The following GLIS1 variants were observed in gnomAD, a reference collection of about 807,000 sequenced individuals.
GLIS1 encodes the protein zinc finger protein GLIS1.
A neutral mutation model predicts 63.8 loss-of-function variants in GLIS1; 24 were observed. The observed-to-expected ratio is 0.38, with a 90% CI of 0.27 to 0.53. The LOEUF (loss-of-function observed/expected upper bound fraction) is 0.53. Ranked by LOEUF, GLIS1 falls within the 20% of genes least tolerant of loss-of-function variation. The pLI, the probability that GLIS1 is intolerant of heterozygous loss-of-function variation, is 0.85. For missense variants in GLIS1, 1,036 were observed against 1,074.1 expected, an observed-to-expected ratio of 0.96 and a Z score of 0.50; for synonymous variants, 450 against 482.5, an observed-to-expected ratio of 0.93 and a Z score of 0.88.
At chr1:53,678,350 G>T (rs200434073) in intron 2 of GLIS1, among the ~76,000 whole-genome samples, 1 of 147,494 alleles carries the variant, frequency 6.8e-6, no homozygotes, top group Non-Finnish European at 1.5e-5. Flanking sequence ...TGGGGGGCAG[G>T]GGGGAGCGGG....
chr1:53,697,377 C>T (rs1319109958), intron 2 of GLIS1, among the ~76,000 whole-genome samples: 1 of 152,184 alleles, frequency 6.6e-6, no homozygotes, highest in Admixed American at 6.5e-5. Context: ...AGTTGCTTTG[C>T]ACATGCAGTT....
At chr1:53,584,796 G>C (rs1366060768) in intron 4 of GLIS1, among the ~76,000 whole-genome samples, 1 of 152,184 alleles carries the variant, frequency 6.6e-6, no homozygotes, top group Non-Finnish European at 1.5e-5. Flanking sequence ...ACGAGAACAG[G>C]ATGCTGAGGT....
chr1:53,686,221 G>GAGGAAGGA (rs1400123284), intron 2 of GLIS1, among the ~76,000 whole-genome samples: 1 of 152,178 alleles, frequency 6.6e-6, no homozygotes, highest in African/African-American at 2.4e-5. Context: ...GTAAATGAGG[G>GAGGAAGGA]AGGAAGGAAG....
intron 2 of GLIS1, among the ~76,000 whole-genome samples, chr1:53,718,063 GCCCAGCGGCATTTTCAC>G (rs1646718156): frequency 6.6e-6 from 1 of 152,222 alleles, no homozygotes; most frequent in South Asian, 2.1e-4. Flanking sequence ...GTGCACCGGG[GCCCAGCGGCATTTTCAC>G]TGGACAGCCC....
intron 4 of GLIS1, among the ~76,000 whole-genome samples, chr1:53,587,854 T>C (rs545989594): frequency 6.6e-6 from 1 of 152,282 alleles, no homozygotes; most frequent in Admixed American, 6.5e-5. Flanking sequence ...GATCTGGATA[T>C]TCTCTCAATG....
intron 2 of GLIS1, among the ~76,000 whole-genome samples, chr1:53,618,814 C>T (rs1473013318): frequency 1.3e-5 from 2 of 152,222 alleles, no homozygotes; most frequent in Non-Finnish European, 2.9e-5. Flanking sequence ...GCTCCCTATT[C>T]AGGCCTGACC....
At chr1:53,708,447 A>T (rs1252016455) in intron 2 of GLIS1, among the ~76,000 whole-genome samples, 1 of 152,140 alleles carries the variant, frequency 6.6e-6, no homozygotes, top group African/African-American at 2.4e-5. Flanking sequence ...ATGAAATATA[A>T]TATTATTATG....
At chr1:53,739,015 G>T (rs1293636240) in intron 1 of GLIS1, among the ~76,000 whole-genome samples, 90 bp downstream of exon 1, 1 of 152,190 alleles carries the variant, frequency 6.6e-6, no homozygotes, top group Admixed American at 6.5e-5. Flanking sequence ...TCCCCAAGCT[G>T]CCGGGGTTCG....
intron 2 of GLIS1, among the ~76,000 whole-genome samples, chr1:53,735,261 C>T (rs984505185): frequency 6.6e-6 from 1 of 152,330 alleles, no homozygotes; most frequent in African/African-American, 2.4e-5. Context: ...AAAAATGTAA[C>T]CTTGCTTCCT....
rs539479423 is a variant in GLIS1 at position 53,629,735 on chromosome 1, T to A, written c.260-29457A>T. On this transcript the variant is annotated intron_variant, in intron 2 of 10. Transcript: ENST00000628545. ...TCCTCAAACCCCGTCATTCTCTTTT[T>A]CTTCTCAGCACACACACTGCCTACT... Among the ~76,000 whole-genome samples the A allele has an allele frequency of 7.2e-5, 11 of 152,338 alleles. No homozygotes were observed. In the East Asian group the frequency reaches 2.1e-3, roughly 29 times the overall value.
chr1:53,599,160 G>A (rs945569844), intron 3 of GLIS1, among the ~76,000 whole-genome samples: 2 of 152,198 alleles, frequency 1.3e-5, no homozygotes, highest in African/African-American at 4.8e-5. Context: ...CAAACCAGAG[G>A]GCACCAAGGC....
At chr1:53,706,221 A>C (rs1646577802) in intron 2 of GLIS1, among the ~76,000 whole-genome samples, 2 of 152,204 alleles carry the variant, frequency 1.3e-5, no homozygotes, top group Non-Finnish European at 2.9e-5. Flanking sequence ...GGGACCTGGA[A>C]GCTTCCTACA....
chr1:53,514,510 G>A, intron 8 of GLIS1, 115 bp downstream of exon 8: 3 of 1,067,798 alleles, frequency 2.8e-6, no homozygotes, highest in East Asian at 2.5e-5. Flanking sequence ...CTGAAGGTTG[G>A]CTATTTTCAT....
intron 4 of GLIS1, among the ~76,000 whole-genome samples, chr1:53,557,758 T>C (rs1233202620): frequency 6.6e-6 from 1 of 152,214 alleles, no homozygotes; most frequent in African/African-American, 2.4e-5. Flanking sequence ...ACTGGGTAAA[T>C]ATATATCTTC....
At chr1:53,537,501 C>T (rs2100355719) in intron 4 of GLIS1, among the ~76,000 whole-genome samples, 1 of 152,346 alleles carries the variant, frequency 6.6e-6, no homozygotes. Flanking sequence ...TGCTGGGGAT[C>T]CACCACCGGG....
In GLIS1 at chr1:53,678,112, C is replaced by G. The variant is rs374775758; in HGVS notation, c.259+59694G>C. ...TGTGGATGGCCCGAGGTCTGTTGAT[C>G]CTGGTCTTTCTTCCCCATGCTCCTG... On this transcript the variant is annotated intron_variant, in intron 2 of 10. Coordinates refer to ENST00000628545, the MANE Select transcript of GLIS1 (RefSeq NM_001367484.1). Among the ~76,000 whole-genome samples, 309 of 152,176 alleles carry G rather than the reference C, an allele frequency of 2.0e-3. 14 individuals carry two copies. In the South Asian group the frequency reaches 0.062, roughly 31 times the overall value.
chr1:53,646,448 T>C lies in GLIS1; in HGVS notation c.260-46170A>G, dbSNP rs1278675180. 6.6e-6 allele frequency among the ~76,000 whole-genome samples: 1 copy of C among 152,200 alleles called. No individual in the cohort carries two copies. The highest frequency in any genetic ancestry group is 6.5e-5 in the Admixed American group (1 of 15,270). Reference sequence around the variant, plus strand: ...GGAATTTTTTAGATATCATTTATGGTAACATAGAATAACATCAAATACATA... The same window carrying C: ...GGAATTTTTTAGATATCATTTATGGCAACATAGAATAACATCAAATACATA... On this transcript the variant is annotated intron_variant, in intron 2 of 10. Transcript: ENST00000628545. This position sits in a 1 kb window ranked among gnomAD's most constrained non-coding sequence, Gnocchi z 4.2.
chr1:53,563,325 G>A (rs553081366), intron 4 of GLIS1, among the ~76,000 whole-genome samples: 23 of 152,356 alleles, frequency 1.5e-4, no homozygotes, highest in African/African-American at 5.5e-4. Flanking sequence ...TAACAGGGGT[G>A]AAATGTGTAA....
intron 2 of GLIS1, among the ~76,000 whole-genome samples, chr1:53,725,388 T>C (rs1304029009): frequency 6.6e-6 from 1 of 152,150 alleles, no homozygotes; most frequent in Non-Finnish European, 1.5e-5. Context: ...CTGATTCTCA[T>C]GCTACCCTGG....
Sources: gnomAD v4.1 joint callset for allele counts (sites outside exome capture counted in the v4.1 genomes callset) on GRCh38, gnomAD v4.1.1 for gene constraint, Gnocchi (gnomAD v3.1) non-coding constraint, MANE v1.5 for transcripts, NCBI Gene and HGNC (gene_info 2026-07-23, HGNC 2026-07-21) for gene names.